Variants in CACNA1B observed in about 807,000 individuals in gnomAD.
CACNA1B encodes the protein voltage-dependent N-type calcium channel subunit alpha-1B.
Under a neutral mutation model 247.2 loss-of-function variants are expected in CACNA1B, and 70 were observed. The ratio of observed to expected loss-of-function variants is 0.28; its 90% confidence interval spans 0.23 to 0.35. The LOEUF is 0.35. Ranked by LOEUF, CACNA1B falls within the 10% of genes least tolerant of loss-of-function variation. CACNA1B has a pLI of 1.00. For missense variants in CACNA1B, 2,367 were observed against 3,197.4 expected (o/e 0.74, Z 6.26); for synonymous variants, 1,231 against 1,294.4 (o/e 0.95, Z 1.05).
Position 138,083,944 on chromosome 9 carries a change from G to A in CACNA1B, c.5094+5686G>A, listed in dbSNP as rs1263215718. 3.3e-5 allele frequency among the ~76,000 whole-genome samples: 5 copies of A among 150,844 alleles called. 1 individual carries two copies. The highest frequency in any genetic ancestry group is 3.3e-4 in the Admixed American group (5 of 15,212). ...TGGTGCCTTTTCCCCTGGGACCCAA[G>A]ATGCCACTAACCCCTATTGGTTCAG... is the stretch of plus-strand genomic sequence containing the variant. On this transcript the variant is annotated intron_variant, in intron 36 of 46. Coordinates refer to ENST00000371372, the MANE Select transcript of CACNA1B (RefSeq NM_000718.4).
chr9:137,996,734 T>C (rs548113459), intron 15 of CACNA1B, among the ~76,000 whole-genome samples: 9 of 152,358 alleles, frequency 5.9e-5, no homozygotes, highest in Middle Eastern at 3.4e-3. Flanking sequence ...ATGTGAATTC[T>C]GCTATTTAAG....
intron 24 of CACNA1B, 78 bp downstream of exon 24, chr9:138,049,393 G>A: frequency 1.0e-6 from 1 of 965,164 alleles, no homozygotes; most frequent in African/African-American, 1.6e-5. Context: ...GAATAAGGAA[G>A]AGGCCCTCTT....
intron 21 of CACNA1B, among the ~76,000 whole-genome samples, chr9:138,045,027 G>A (rs1255193333): frequency 6.6e-6 from 1 of 152,238 alleles, no homozygotes; most frequent in African/African-American, 2.4e-5. Context: ...GGGAGCAGGT[G>A]ATAGAAGGCC....
Position 137,921,819 on chromosome 9 carries a change from A to T in CACNA1B, c.966+4388A>T, listed in dbSNP as rs147696155. ...AAAGCGTTCGGAGAACACGATCAGCACCACGACCGCACAGCATCCTGGGAG... is the reference window on the plus strand; with the variant it reads ...AAAGCGTTCGGAGAACACGATCAGCTCCACGACCGCACAGCATCCTGGGAG... On this transcript the variant is annotated intron_variant, in intron 6 of 46. Coordinates refer to ENST00000371372, the MANE Select transcript of CACNA1B (RefSeq NM_000718.4). 5.8e-3 allele frequency among the ~76,000 whole-genome samples: 853 copies of T among 145,988 alleles called. 4 individuals are homozygous for T. Among genetic ancestry groups the T allele is most frequent in the African/African-American group, 0.02 (778 of 38,790 alleles).
intron 11 of CACNA1B, among the ~76,000 whole-genome samples, chr9:137,975,327 G>C (rs1958206413): frequency 6.6e-6 from 1 of 152,206 alleles, no homozygotes; most frequent in African/African-American, 2.4e-5. Context: ...TGCAGTGGTG[G>C]AGGAGGTCTA....
chr9:138,074,572 T>G (rs1960249456), intron 34 of CACNA1B, among the ~76,000 whole-genome samples: 1 of 152,350 alleles, frequency 6.6e-6, no homozygotes, highest in African/African-American at 2.4e-5. Context: ...AAGACTGTTT[T>G]GCGGAGGAGG....
At chr9:138,077,652 A>T (rs1276427511) in intron 35 of CACNA1B, among the ~76,000 whole-genome samples, 1 of 152,208 alleles carries the variant, frequency 6.6e-6, no homozygotes, top group Non-Finnish European at 1.5e-5. Context: ...GGCCTAGGAC[A>T]GTGAGGAGTG....
At chr9:137,939,763 A>C (rs948863344) in intron 6 of CACNA1B, among the ~76,000 whole-genome samples, 2 of 151,872 alleles carry the variant, frequency 1.3e-5, no homozygotes, top group Admixed American at 6.6e-5. Context: ...AGATCACGCC[A>C]CTGCACTCTA....
intron 3 of CACNA1B, among the ~76,000 whole-genome samples, chr9:137,895,633 G>A (rs2133250848): frequency 6.6e-6 from 1 of 152,090 alleles, no homozygotes; most frequent in South Asian, 2.1e-4. Context: ...TTTAAATTTT[G>A]GTATCTGTAT....
Position 138,011,597 on chromosome 9 carries a change from A to C in CACNA1B, c.2160+1520A>C, listed in dbSNP as rs939560082. 6.6e-6 allele frequency among the ~76,000 whole-genome samples: 1 copy of C among 152,194 alleles called. No homozygotes were observed. Among genetic ancestry groups the C allele is most frequent in the Non-Finnish European group, 1.5e-5 (1 of 68,030 alleles). On this transcript the variant is annotated intron_variant, in intron 17 of 46. Coordinates refer to ENST00000371372, the MANE Select transcript of CACNA1B (RefSeq NM_000718.4). This position sits in a 1 kb window ranked among gnomAD's most constrained non-coding sequence, Gnocchi z 4.2. Reference sequence around the variant, plus strand: ...AACTTGAATTTGTTTTAGACCTTCCAGGGGACTTTAGAACACTCCCTGGAG... The same window carrying C: ...AACTTGAATTTGTTTTAGACCTTCCCGGGGACTTTAGAACACTCCCTGGAG...
At chr9:138,047,277 A>C in intron 22 of CACNA1B, 122 bp from the exon 23 acceptor site, 1 of 808,746 alleles carries the variant, frequency 1.2e-6, no homozygotes, top group Non-Finnish European at 2.0e-6. Context: ...ACCGTTTTCC[A>C]CAGGCTTCCT....
At chr9:137,965,872 T>C (rs1016919801) in intron 10 of CACNA1B, among the ~76,000 whole-genome samples, 1 of 152,226 alleles carries the variant, frequency 6.6e-6, no homozygotes, top group South Asian at 2.1e-4. Flanking sequence ...CGTGAGCCAC[T>C]GTGCCCAGCT....
intron 25 of CACNA1B, among the ~76,000 whole-genome samples, chr9:138,053,598 AC>A (rs1159884432): frequency 9.2e-5 from 5 of 54,318 alleles, no homozygotes; most frequent in Non-Finnish European, 2.0e-4. Context: ...TCATGGCCCC[AC>A]CCCCCACCAT....
At chr9:137,967,740 G>C (rs1243175847) in intron 10 of CACNA1B, among the ~76,000 whole-genome samples, 1 of 152,166 alleles carries the variant, frequency 6.6e-6, no homozygotes, top group Non-Finnish European at 1.5e-5. Flanking sequence ...CGGACACTCG[G>C]ATGCTTTTCC....
At chr9:137,892,466 T>C (rs4076712) in intron 3 of CACNA1B, 190,552 of 409,794 alleles carry the variant, frequency 0.46, 47,566 homozygotes, top group African/African-American at 0.74. Flanking sequence ...TTAGATGGTT[T>C]GATGTCTGCA....
chr9:138,037,411 C>T (rs1959059938), intron 20 of CACNA1B, among the ~76,000 whole-genome samples: 1 of 152,192 alleles, frequency 6.6e-6, no homozygotes, highest in Non-Finnish European at 1.5e-5. Flanking sequence ...GTAATCCCAG[C>T]ACTTTGGGAG....
At chr9:138,085,792 C>T (rs1359947836) in intron 36 of CACNA1B, among the ~76,000 whole-genome samples, 1 of 151,228 alleles carries the variant, frequency 6.6e-6, no homozygotes, top group African/African-American at 2.4e-5. Context: ...ATACTATACC[C>T]AGCAAAGCTA....
At chr9:138,053,461 C>A (rs1959367226) in intron 25 of CACNA1B, among the ~76,000 whole-genome samples, 1 of 152,148 alleles carries the variant, frequency 6.6e-6, no homozygotes. Context: ...ACCTGGGCCT[C>A]AGTGGTCCTC....
chr9:137,920,125 G>A (rs1354564775), intron 6 of CACNA1B, among the ~76,000 whole-genome samples: 2 of 152,216 alleles, frequency 1.3e-5, no homozygotes, highest in Non-Finnish European at 2.9e-5. Context: ...AGCTGTGGCA[G>A]GCCAGCCAGC....
Sources: allele counts gnomAD v4.1 joint callset (sites outside exome capture counted in the v4.1 genomes callset), GRCh38; gene constraint gnomAD v4.1.1; non-coding constraint Gnocchi (gnomAD v3.1); transcripts MANE v1.5; gene names NCBI Gene and HGNC (gene_info 2026-07-23, HGNC 2026-07-21).